The following EP300 variants were observed in gnomAD, a reference collection of about 807,000 sequenced individuals.
EP300 encodes the protein EP300 lysine acetyltransferase, also known as histone acetyltransferase p300.
EP300 carries 31 observed loss-of-function variants against 264.0 expected under a neutral mutation model. The observed-to-expected ratio is 0.12, with a 90% CI of 0.09 to 0.16. The LOEUF is 0.16. EP300 is among the 10% of genes least tolerant of loss of function. EP300 has a pLI of 1.00. For missense variants in EP300, 2,766 were observed against 3,052.9 expected, an observed-to-expected ratio of 0.91 and a Z score of 2.21; for synonymous variants, 1,340 against 1,045.4, an observed-to-expected ratio of 1.28 and a Z score of -5.44.
Position 41,164,116 on chromosome 22 carries a change from C to A in EP300, c.3792C>A (p.Ile1264=). The A allele has an allele frequency of 6.2e-7, 1 of 1,614,054 alleles. No homozygotes were observed. The highest frequency in any genetic ancestry group is 1.1e-5 in the South Asian group (1 of 91,066). ...AGATCTGTGTCCTTCACCATGAGAT[C>A]ATCTGGCCTGCTGGGTAAGTCTTAA... ...MHQICVLHHE[I]IWPAGFVCDG... The change falls in exon 22 of 31, where the codon ATC becomes ATA. Residue 1264 remains isoleucine (I), a synonymous_variant. Coordinates refer to ENST00000263253, the MANE Select transcript of EP300 (RefSeq NM_001429.4).
chr22:41,170,308 T>C, intron 26 of EP300, 98 bp from the exon 27 acceptor site: 2 of 1,178,842 alleles, frequency 1.7e-6, no homozygotes, highest in Non-Finnish European at 2.5e-6. Context: ...TGGGAAAAAT[T>C]ATTGGTATCT....
At chr22:41,169,143 G>A in intron 25 of EP300, 1 of 566,912 alleles carries the variant, frequency 1.8e-6, no homozygotes, top group East Asian at 3.1e-5. Flanking sequence ...TTCAGAAAAT[G>A]AGCTTAAATC....
At chr22:41,135,156 TC>T (rs2058943381) in intron 6 of EP300, among the ~76,000 whole-genome samples, 1 of 152,186 alleles carries the variant, frequency 6.6e-6, no homozygotes, top group African/African-American at 2.4e-5. Flanking sequence ...CACCTCGGCC[TC>T]CCAAAGTGCT....
chr22:41,157,433 C>CT (rs769995913), intron 18 of EP300, 25 bp downstream of exon 18: 32 of 1,554,496 alleles, frequency 2.1e-5, no homozygotes, highest in African/African-American at 1.7e-4. Context: ...TCAGATTTGA[C>CT]TTTAACTTTT....
At chr22:41,110,883 T>C (rs1166981626) in intron 1 of EP300, among the ~76,000 whole-genome samples, 6 of 152,188 alleles carry the variant, frequency 3.9e-5, no homozygotes, top group Admixed American at 2.0e-4. Flanking sequence ...GTTTGAGATA[T>C]TCTGTTTAGT....
intron 1 of EP300, among the ~76,000 whole-genome samples, chr22:41,099,166 G>A (rs1194996285): frequency 6.6e-6 from 1 of 152,070 alleles, no homozygotes; most frequent in Non-Finnish European, 1.5e-5. Flanking sequence ...CCGGCTTCAA[G>A]CGATTCTCCT....
intron 16 of EP300, among the ~76,000 whole-genome samples, chr22:41,154,767 G>C (rs2059067295): frequency 6.6e-6 from 1 of 152,178 alleles, no homozygotes; most frequent in African/African-American, 2.4e-5. Flanking sequence ...TGAGGGTGAA[G>C]AGTGTTTTAA....
intron 5 of EP300, 31 bp from the exon 6 acceptor site, chr22:41,131,357 T>C: frequency 1.2e-6 from 2 of 1,610,838 alleles, no homozygotes; most frequent in South Asian, 2.2e-5. Context: ...CCAGCATTAA[T>C]TTGTAATACT....
At chr22:41,113,120 T>C (rs2058802450) in intron 1 of EP300, among the ~76,000 whole-genome samples, 1 of 151,220 alleles carries the variant, frequency 6.6e-6, no homozygotes, top group Non-Finnish European at 1.5e-5. Context: ...CATTTCAAAA[T>C]GTGTGTTTAT....
chr22:41,139,010 C>T (rs374039376), intron 8 of EP300, among the ~76,000 whole-genome samples: 2 of 151,878 alleles, frequency 1.3e-5, no homozygotes, highest in African/African-American at 2.4e-5. Flanking sequence ...AGTGCAGTGT[C>T]GTGATCTCGG....
rs150498069 is a variant in EP300 at position 41,152,313 on chromosome 22, C to T, written c.3105C>T (p.Thr1035=). The change falls in exon 16 of 31, where the codon ACC becomes ACT. Residue 1035 remains threonine (T), a synonymous_variant. Coordinates refer to ENST00000263253, the MANE Select transcript of EP300 (RefSeq NM_001429.4). ...AAGACCAGCCAAGTACTTCAGCTAC[C>T]CAGTCATCTCCGGCTCCAGGACAGT... ...EEEDQPSTSA[T]QSSPAPGQSK... 929 of 1,613,982 alleles carry T rather than the reference C, an allele frequency of 5.8e-4. 1 individual carries two copies. The highest frequency in any genetic ancestry group is 2.6e-3 in the Middle Eastern group (16 of 6,062).
In EP300 at chr22:41,149,151, C is replaced by G. The variant is rs2145736151; in HGVS notation, c.2355C>G (p.Ser785=). 6.2e-7 allele frequency: 1 copy of G among 1,613,994 alleles called. No individual in the cohort carries two copies. The highest frequency in any genetic ancestry group is 8.5e-7 in the Non-Finnish European group (1 of 1,180,012). ...TAACAAATATCCCTTTGGCTCCGTC[C>G]AGCGGTCAAGCTCCAGTGTCTCAAG... ...MNVTNIPLAP[S]SGQAPVSQAQ... Residue 785 remains serine (S), a synonymous_variant, in exon 13 of 31, where the codon TCC becomes TCG. Coordinates refer to ENST00000263253, the MANE Select transcript of EP300 (RefSeq NM_001429.4).
chr22:41,093,374 C>T (rs187409923), intron 1 of EP300, among the ~76,000 whole-genome samples: 1 of 152,160 alleles, frequency 6.6e-6, no homozygotes, highest in African/African-American at 2.4e-5. Flanking sequence ...TATTGTTGCT[C>T]TCATGCAATT....
rs761438118 is a variant in EP300 at position 41,155,065 on chromosome 22, A to G, written c.3213A>G (p.Glu1071=). ...AGGCACTTTACCGTCAGGATCCAGAATCCCTTCCCTTTCGTCAACCTGTGG... is the reference window on the plus strand; with the variant it reads ...AGGCACTTTACCGTCAGGATCCAGAGTCCCTTCCCTTTCGTCAACCTGTGG... ...TLEALYRQDP[E]SLPFRQPVDP... is the part of the protein sequence containing the mutation. The change falls in exon 17 of 31, where the codon GAA becomes GAG. Residue 1071 remains glutamate, a synonymous_variant. Coordinates refer to ENST00000263253, the MANE Select transcript of EP300 (RefSeq NM_001429.4). The G allele has an allele frequency of 6.2e-7, 1 of 1,614,088 alleles. No individual in the cohort carries two copies. The highest frequency in any genetic ancestry group is 1.1e-5 in the South Asian group (1 of 91,074).
At chr22:41,105,645 C>A (rs1018419364) in intron 1 of EP300, among the ~76,000 whole-genome samples, 22 of 152,198 alleles carry the variant, frequency 1.4e-4, no homozygotes, top group African/African-American at 5.3e-4. Flanking sequence ...GATCCACCCA[C>A]CTCGGCCTCC....
At chr22:41,134,934 A>T (rs1234145655) in intron 6 of EP300, among the ~76,000 whole-genome samples, 2 of 144,042 alleles carry the variant, frequency 1.4e-5, no homozygotes, top group Non-Finnish European at 2.9e-5. Flanking sequence ...TTGAGACAAC[A>T]TCTCACTCTG....
chr22:41,120,403 T>C (rs1385070162), intron 2 of EP300, among the ~76,000 whole-genome samples: 1 of 152,200 alleles, frequency 6.6e-6, no homozygotes, highest in African/African-American at 2.4e-5. Context: ...AATTATCTTG[T>C]AGAGCGAATT....
At position 41,177,930 on chromosome 22, in the gene EP300, C is replaced by A. The variant is rs769372729; in HGVS notation, c.6219C>A (p.Ile2073=). The A allele has an allele frequency of 5.6e-6, 9 of 1,614,164 alleles. No individual in the cohort carries two copies. The highest frequency in any genetic ancestry group is 2.2e-5 in the East Asian group (1 of 44,868). Residue 2073 remains isoleucine (I), a synonymous_variant, in exon 31 of 31, where the codon ATC becomes ATA. Coordinates refer to ENST00000263253, the MANE Select transcript of EP300 (RefSeq NM_001429.4). ...TGCAGCAGCAACAGGTGCTTAGTAT[C>A]CTTCACGCCAACCCCCAGCTGTTGG... ...SPLQQQQVLS[I]LHANPQLLAA...
intron 3 of EP300, 171 bp downstream of exon 3, chr22:41,126,211 C>T: frequency 2.9e-6 from 2 of 678,846 alleles, no homozygotes; most frequent in Middle Eastern, 4.1e-4. Flanking sequence ...TTCCATTTCT[C>T]TGTTTTTTTT....
Sources: allele counts gnomAD v4.1 joint callset (sites outside exome capture counted in the v4.1 genomes callset), GRCh38; gene constraint gnomAD v4.1.1; transcripts MANE v1.5; gene names NCBI Gene and HGNC (gene_info 2026-07-23, HGNC 2026-07-21).